The following ZNF214 variants were observed in gnomAD, a reference collection of about 807,000 sequenced individuals.
ZNF214 encodes the protein zinc finger protein 214.
A neutral mutation model predicts 53.9 loss-of-function variants in ZNF214; 43 were observed. That is an observed-to-expected ratio of 0.80 (90% CI 0.63 to 1.03). The LOEUF (loss-of-function observed/expected upper bound fraction) is 1.03. ZNF214 is among the 50% of genes least tolerant of loss of function. The probability of loss-of-function intolerance (pLI) is 0.00; values close to 1 mark genes in which losing one functional copy is unlikely to be tolerated. For missense variants in ZNF214, 724 were observed against 719.1 expected, an observed-to-expected ratio of 1.01 and a Z score of -0.08; for synonymous variants, 217 against 229.5, an observed-to-expected ratio of 0.95 and a Z score of 0.49.
rs1021645415 is a variant in ZNF214 at position 7,001,557 on chromosome 11, T to C, written c.128-2A>G. 1.3e-6 allele frequency: 2 copies of C among 1,583,602 alleles called. No homozygotes were observed. The highest frequency in any genetic ancestry group is 1.1e-5 in the South Asian group (1 of 87,374). The stretch of plus-strand genomic sequence containing the variant: ...ATTTGTAGCTCTCATTCCAGTTTTC[T>C]AGAAAAATAAAAAGATAATCCCATG... On this transcript the variant is annotated splice_acceptor_variant, in intron 2 of 2. Coordinates refer to ENST00000278314, the MANE Select transcript of ZNF214 (RefSeq NM_013249.4). LOFTEE classifies it high-confidence loss of function.
At chr11:7,019,282 CTT>C (rs1193465620) in intron 1 of ZNF214, among the ~76,000 whole-genome samples, 1 of 152,166 alleles carries the variant, frequency 6.6e-6, no homozygotes, top group Non-Finnish European at 1.5e-5. Context: ...TATGAATGCT[CTT>C]GTTTCCTTTC....
chr11:7,007,091 G>A (rs1851487727), intron 1 of ZNF214, among the ~76,000 whole-genome samples: 1 of 151,512 alleles, frequency 6.6e-6, no homozygotes, highest in Non-Finnish European at 1.5e-5. Flanking sequence ...AAACATGAGG[G>A]GAGAAAGAGA....
At chr11:7,001,578 C>A in intron 2 of ZNF214, 23 bp from the exon 3 acceptor site, 2 of 1,562,372 alleles carry the variant, frequency 1.3e-6, no homozygotes, top group South Asian at 1.2e-5. Flanking sequence ...AAAGATAATC[C>A]CATGGTGAGA....
chr11:6,999,688 GT>G lies in ZNF214; in HGVS notation c.*173del. On this transcript the variant is annotated 3_prime_UTR_variant, in exon 3 of 3. Coordinates refer to ENST00000278314, the MANE Select transcript of ZNF214 (RefSeq NM_013249.4). ...TACACTATAATTTTAAATATATAGG[GT>G]TTTTTCTAAAGATCTCCTTTTGAAG... 1.6e-6 allele frequency: 1 copy of G among 608,362 alleles called. No individual in the cohort carries two copies. The highest frequency in any genetic ancestry group is 2.6e-6 in the Non-Finnish European group (1 of 382,662). The allele number at this position is 608,362 out of a possible 1,614,324, so 37.7% of individuals were successfully genotyped here. A position where few individuals can be genotyped will look rare whatever the true frequency, so the allele number is the denominator to read the frequency against.
At chr11:7,009,554 A>G (rs1195593925) in intron 1 of ZNF214, among the ~76,000 whole-genome samples, 1 of 152,224 alleles carries the variant, frequency 6.6e-6, no homozygotes, top group Non-Finnish European at 1.5e-5. Context: ...AGCAATTGCA[A>G]CAAAAACAAA....
chr11:7,017,017 G>C (rs1205076802), intron 1 of ZNF214, among the ~76,000 whole-genome samples: 3 of 152,162 alleles, frequency 2.0e-5, no homozygotes, highest in Non-Finnish European at 4.4e-5. Flanking sequence ...TACAGCATAT[G>C]ACAAATGATT....
rs151111565 is a variant in ZNF214, at chr11:7,000,799, C to G, written c.884G>C (p.Arg295Thr). The G allele has an allele frequency of 1.2e-6, 2 of 1,611,004 alleles. No homozygotes were observed. The highest frequency in any genetic ancestry group is 1.7e-6 in the Non-Finnish European group (2 of 1,179,216). Residue 295 changes from arginine (R) to threonine (T), a missense_variant, in exon 3 of 3, where the codon AGA becomes ACA. Physicochemically the swap from Arg to Thr is moderately conservative, Grantham distance 71. Coordinates refer to ENST00000278314, the MANE Select transcript of ZNF214 (RefSeq NM_013249.4). Reference protein sequence around the residue: ...HQSSGVHFHQRVHIGEVPYSC... With the variant: ...HQSSGVHFHQTVHIGEVPYSC... Reference sequence around the variant, plus strand: ...ATAAGGTACCTCCCCTATGTGAACTCTCTGATGAAAGTGAACTCCGGAGCT... The same window carrying G: ...ATAAGGTACCTCCCCTATGTGAACTGTCTGATGAAAGTGAACTCCGGAGCT...
chr11:7,010,586 A>G (rs1322668475), intron 1 of ZNF214, among the ~76,000 whole-genome samples: 1 of 151,602 alleles, frequency 6.6e-6, no homozygotes, highest in Non-Finnish European at 1.5e-5. Flanking sequence ...GAAAATGGCT[A>G]GAAATAAATC....
At position 6,997,100 on chromosome 11, in the gene ZNF214, C is replaced by T. The variant is rs2133370267; in HGVS notation, c.*2762G>A. ...TAGTCAAGTCCTCTTTTATATTTCCCCGTTTTTTATTATTTTCATTCTGCA... is the reference window on the plus strand; with the variant it reads ...TAGTCAAGTCCTCTTTTATATTTCCTCGTTTTTTATTATTTTCATTCTGCA... On this transcript the variant is annotated 3_prime_UTR_variant, in exon 3 of 3. Coordinates refer to ENST00000278314, the MANE Select transcript of ZNF214 (RefSeq NM_013249.4). 6.6e-6 allele frequency among the ~76,000 whole-genome samples: 1 copy of T among 151,872 alleles called. No homozygotes were observed. Among genetic ancestry groups the T allele is most frequent in the South Asian group, 2.1e-4 (1 of 4,810 alleles).
At chr11:7,011,532 C>T (rs1449632827) in intron 1 of ZNF214, among the ~76,000 whole-genome samples, 1 of 151,938 alleles carries the variant, frequency 6.6e-6, no homozygotes, top group Non-Finnish European at 1.5e-5. Flanking sequence ...AAAATAAACT[C>T]CCTAAAGTGG....
rs761667549 is a variant in ZNF214, at chr11:7,000,626, T to C, written c.1057A>G (p.Ile353Val). 1 of 1,603,902 alleles carries C rather than the reference T, an allele frequency of 6.2e-7. No homozygotes were observed. The highest frequency in any genetic ancestry group is 1.7e-5 in the Admixed American group (1 of 58,208). Residue 353 changes from isoleucine (I) to valine (V), a missense_variant, in exon 3 of 3, where the codon ATA (isoleucine) becomes GTA (valine). Transcript: ENST00000278314. ...TTACATTTAAAAGGCTTCTCTCCTA[T>C]GTGAAGTCTCTGGTGAATGTGAAGT... ...SLLHIHQRLH[I>V]GEKPFKCNQC...
At chr11:7,002,570 A>G (rs555363404) in intron 2 of ZNF214, 139 bp downstream of exon 2, 43 of 967,594 alleles carry the variant, frequency 4.4e-5, no homozygotes, top group Non-Finnish European at 5.3e-5. Flanking sequence ...TTTATCTTCT[A>G]TTTGTAACAT....
chr11:7,013,906 C>G (rs1217126882), intron 1 of ZNF214, among the ~76,000 whole-genome samples: 1 of 152,058 alleles, frequency 6.6e-6, no homozygotes, highest in Non-Finnish European at 1.5e-5. Flanking sequence ...TAAGAAAAGC[C>G]ATATGATTAT....
At chr11:7,005,827 A>G (rs1851459773) in intron 1 of ZNF214, among the ~76,000 whole-genome samples, 1 of 152,070 alleles carries the variant, frequency 6.6e-6, no homozygotes, top group South Asian at 2.1e-4. Flanking sequence ...GTGCATACAT[A>G]TGCTATAATT....
intron 1 of ZNF214, among the ~76,000 whole-genome samples, chr11:7,015,253 A>G (rs1421903816): frequency 6.6e-6 from 1 of 152,128 alleles, no homozygotes; most frequent in East Asian, 1.9e-4. Context: ...CAGAACCTAT[A>G]TAAAGATAGT....
chr11:7,017,814 T>C (rs560260620), intron 1 of ZNF214, among the ~76,000 whole-genome samples: 1 of 151,698 alleles, frequency 6.6e-6, no homozygotes, highest in South Asian at 2.1e-4. Context: ...TTAAAACTCA[T>C]GCTACCAAAA....
At chr11:7,017,798 C>G (rs1370627354) in intron 1 of ZNF214, among the ~76,000 whole-genome samples, 1 of 150,802 alleles carries the variant, frequency 6.6e-6, no homozygotes, top group Admixed American at 6.6e-5. Context: ...GAACACTATA[C>G]AGTCATTAAA....
At chr11:7,003,384 G>T (rs1021951330) in intron 1 of ZNF214, among the ~76,000 whole-genome samples, 1 of 151,892 alleles carries the variant, frequency 6.6e-6, no homozygotes, top group African/African-American at 2.4e-5. Context: ...AAAATGGAAG[G>T]AAAGCCAAAT....
At chr11:7,009,433 G>A (rs1426999923) in intron 1 of ZNF214, among the ~76,000 whole-genome samples, 6 of 152,090 alleles carry the variant, frequency 3.9e-5, no homozygotes, top group Admixed American at 3.9e-4. Flanking sequence ...AATTCGACAT[G>A]GTTTAAAGAC....
Sources: gnomAD v4.1 joint callset for allele counts (sites outside exome capture counted in the v4.1 genomes callset) on GRCh38, gnomAD v4.1.1 for gene constraint, MANE v1.5 for transcripts, NCBI Gene and HGNC (gene_info 2026-07-23, HGNC 2026-07-21) for gene names.